RAP1B: variants seen among roughly 807,000 people sequenced by gnomAD.
RAP1B encodes the protein ras-related protein Rap-1b.
A neutral mutation model predicts 27.5 loss-of-function variants in RAP1B; 1 was observed. That is an observed-to-expected ratio of 0.04 (90% CI 0.01 to 0.17). RAP1B has a LOEUF of 0.17. Ranked by LOEUF, RAP1B falls within the 10% of genes least tolerant of loss-of-function variation. RAP1B has a pLI of 1.00. For synonymous variants in RAP1B, 75 were observed against 73.1 expected (o/e 1.03, Z -0.13); for missense variants, 84 against 214.8 (o/e 0.39, Z 3.81).
In RAP1B at chr12:68,633,820, A is replaced by G. The variant is rs556490635; in HGVS notation, c.-26-14879A>G. On this transcript the variant is annotated intron_variant, in intron 1 of 7. Coordinates refer to ENST00000250559, the MANE Select transcript of RAP1B (RefSeq NM_001010942.3). ...GGGAGGTGGAGGTTGCAGTGAGCTGAGATCGTGCCACTGCACTCCAGCCTG... is the reference window on the plus strand; with the variant it reads ...GGGAGGTGGAGGTTGCAGTGAGCTGGGATCGTGCCACTGCACTCCAGCCTG... 5.3e-5 allele frequency among the ~76,000 whole-genome samples: 8 copies of G among 152,334 alleles called. No individual in the cohort carries two copies. The South Asian group carries it at 1.7e-3, about 32-fold the overall frequency.
rs1173855583 is a variant in RAP1B, at chr12:68,654,352, G to GA, written c.324+100_324+101insA. On this transcript the variant is annotated intron_variant, in intron 5 of 7. Transcript: ENST00000250559. The stretch of plus-strand genomic sequence containing the variant: ...ATTTTAAAGCTTGTGTATTTTGGTT[G>GA]GGGGGGGGGTGTTGGTTTTTTTAAA... 4 of 222,152 alleles carry GA rather than the reference G, an allele frequency of 1.8e-5. 1 individual carries two copies. Among genetic ancestry groups the GA allele is most frequent in the Non-Finnish European group, 1.2e-5 (2 of 164,946 alleles). 13.8% of individuals were successfully genotyped at this position (222,152 alleles called of 1,614,324 possible). A position where few individuals can be genotyped will look rare whatever the true frequency, so the allele number is the denominator to read the frequency against.
intron 6 of RAP1B, 79 bp downstream of exon 6, chr12:68,656,528 G>T: frequency 7.2e-7 from 1 of 1,389,852 alleles, no homozygotes; most frequent in Non-Finnish European, 1.0e-6. Context: ...TTAACCCCAA[G>T]TTAATATGTA....
chr12:68,648,690 T>G lies in RAP1B; in HGVS notation c.-26-9T>G. On this transcript the variant is annotated splice_polypyrimidine_tract_variant and intron_variant, in intron 1 of 7. Coordinates refer to ENST00000250559, the MANE Select transcript of RAP1B (RefSeq NM_001010942.3). Reference sequence around the variant, plus strand: ...CTTAGAATTCTTTTTTTTTTTTTCCTTTAATAAGGTACTAGGTTTTGACAA... The same window carrying G: ...CTTAGAATTCTTTTTTTTTTTTTCCGTTAATAAGGTACTAGGTTTTGACAA... 1 of 1,592,754 alleles carries G rather than the reference T, an allele frequency of 6.3e-7. No individual in the cohort carries two copies. The highest frequency in any genetic ancestry group is 8.6e-7 in the Non-Finnish European group (1 of 1,165,752).
At chr12:68,613,095 C>T (rs887976621) in intron 1 of RAP1B, among the ~76,000 whole-genome samples, 7 of 152,094 alleles carry the variant, frequency 4.6e-5, no homozygotes, top group Non-Finnish European at 7.4e-5. Flanking sequence ...TGGTTTACGC[C>T]TGTAATCCCA....
chr12:68,654,314 T>G lies in RAP1B; in HGVS notation c.324+62T>G, dbSNP rs1874034663. 1.5e-5 allele frequency: 11 copies of G among 738,060 alleles called. No individual in the cohort carries two copies. The South Asian group carries it at 2.8e-4, about 19-fold the overall frequency. 45.7% of individuals were successfully genotyped at this position (738,060 alleles called of 1,614,324 possible). A position where few individuals can be genotyped will look rare whatever the true frequency, so the allele number is the denominator to read the frequency against. ...AACCCTGATTATAATTGTTTAAGTC[T>G]AAATTTAAATTCATTTTAAAGCTTG... On this transcript the variant is annotated intron_variant, in intron 5 of 7. Coordinates refer to ENST00000250559, the MANE Select transcript of RAP1B (RefSeq NM_001010942.3).
chr12:68,658,372 AAC>A (rs1334876928), intron 7 of RAP1B, among the ~76,000 whole-genome samples: 1 of 152,158 alleles, frequency 6.6e-6, no homozygotes, highest in Non-Finnish European at 1.5e-5. Flanking sequence ...TTTAATTTGC[AAC>A]AGTCTGCCAG....
At position 68,643,009 on chromosome 12, in the gene RAP1B, C is replaced by T. The variant is rs188005194; in HGVS notation, c.-26-5690C>T. The T allele has an allele frequency of 1.7e-4, 137 of 783,140 alleles. No homozygotes were observed. In the East Asian group the frequency reaches 2.7e-3, roughly 16 times the overall value. 48.5% of individuals were successfully genotyped at this position (783,140 alleles called of 1,614,324 possible). ...GCCCAGCCATGTTGGGATTCTTCAC[C>T]GACCCTGGCTGCCCACGGTCCACTG... is the stretch of plus-strand genomic sequence containing the variant. On this transcript the variant is annotated intron_variant, in intron 1 of 7. Transcript: ENST00000250559.
intron 1 of RAP1B, among the ~76,000 whole-genome samples, chr12:68,630,424 A>T (rs1872150366): frequency 6.6e-6 from 1 of 152,088 alleles, no homozygotes; most frequent in Non-Finnish European, 1.5e-5. Context: ...AAAAAAACAA[A>T]AACAAAAAAA....
intron 1 of RAP1B, among the ~76,000 whole-genome samples, chr12:68,644,084 C>T (rs944151104): frequency 1.3e-5 from 2 of 152,130 alleles, no homozygotes; most frequent in Non-Finnish European, 2.9e-5. Flanking sequence ...TTCATTAAGA[C>T]TTCTGTGATT....
chr12:68,612,797 G>C (rs946674483), intron 1 of RAP1B, among the ~76,000 whole-genome samples: 8 of 151,844 alleles, frequency 5.3e-5, no homozygotes, highest in African/African-American at 1.9e-4. Flanking sequence ...TGTGTACTAC[G>C]TTAGGTGTTT....
At chr12:68,628,904 A>G (rs1478570268) in intron 1 of RAP1B, among the ~76,000 whole-genome samples, 2 of 152,208 alleles carry the variant, frequency 1.3e-5, no homozygotes, top group South Asian at 2.1e-4. Context: ...ATTGGACAGC[A>G]CTAGTCTGGA....
chr12:68,651,355 A>G lies in RAP1B; in HGVS notation c.127-640A>G, dbSNP rs557422876. Among the ~76,000 whole-genome samples the G allele has an allele frequency of 1.8e-3, 280 of 152,100 alleles. 1 individual carries two copies. The highest frequency in any genetic ancestry group is 6.4e-3 in the African/African-American group (264 of 41,510). On this transcript the variant is annotated intron_variant, in intron 3 of 7. Transcript: ENST00000250559. ...GCTGTTGCACAAATACTGTGTTTCC[A>G]TTCCTCCCTCCATGTGCATAGTCTA... is the stretch of plus-strand genomic sequence containing the variant.
At chr12:68,638,336 T>C (rs758884375) in intron 1 of RAP1B, among the ~76,000 whole-genome samples, 7 of 152,172 alleles carry the variant, frequency 4.6e-5, no homozygotes, top group Admixed American at 1.3e-4. Flanking sequence ...GAGGATGTCA[T>C]GTCCGTGCCC....
chr12:68,648,792 C>G lies in RAP1B; in HGVS notation c.57+11C>G, dbSNP rs779322418. 1.9e-6 allele frequency: 3 copies of G among 1,603,234 alleles called. No individual in the cohort carries two copies. The highest frequency in any genetic ancestry group is 2.2e-5 in the South Asian group (2 of 89,566). On this transcript the variant is annotated intron_variant, in intron 2 of 7. Coordinates refer to ENST00000250559, the MANE Select transcript of RAP1B (RefSeq NM_001010942.3). Reference sequence around the variant, plus strand: ...GGAAAGTCTGCTTTGGTAAGTCATTCTTACTTTACCTAAGCCTTTCACTCC... The same window carrying G: ...GGAAAGTCTGCTTTGGTAAGTCATTGTTACTTTACCTAAGCCTTTCACTCC...
At chr12:68,651,436 T>C (rs897098105) in intron 3 of RAP1B, among the ~76,000 whole-genome samples, 1 of 152,228 alleles carries the variant, frequency 6.6e-6, no homozygotes, top group Admixed American at 6.5e-5. Context: ...ATTACTCTTT[T>C]CTTTCTACAT....
intron 1 of RAP1B, among the ~76,000 whole-genome samples, chr12:68,618,129 C>G (rs1247364373): frequency 7.5e-5 from 10 of 133,428 alleles, no homozygotes; most frequent in African/African-American, 2.7e-4. Flanking sequence ...AGTCTGTCGC[C>G]CAGGCTAGAA....
At chr12:68,617,850 A>G (rs1021299342) in intron 1 of RAP1B, among the ~76,000 whole-genome samples, 1 of 151,584 alleles carries the variant, frequency 6.6e-6, no homozygotes, top group African/African-American at 2.4e-5. Context: ...TGCAGCTTCA[A>G]CCTCCCAGAT....
At chr12:68,634,746 C>T (rs1161053730) in intron 1 of RAP1B, among the ~76,000 whole-genome samples, 1 of 152,022 alleles carries the variant, frequency 6.6e-6, no homozygotes, top group Admixed American at 6.6e-5. Context: ...TGTATTCTAC[C>T]ATACATGATC....
intron 3 of RAP1B, among the ~76,000 whole-genome samples, chr12:68,651,045 C>T (rs1038742867): frequency 6.6e-6 from 1 of 152,130 alleles, no homozygotes; most frequent in Non-Finnish European, 1.5e-5. Flanking sequence ...TTTTAATATT[C>T]TTATGCATGA....
Sources: allele counts gnomAD v4.1 joint callset (sites outside exome capture counted in the v4.1 genomes callset), GRCh38; gene constraint gnomAD v4.1.1; transcripts MANE v1.5; gene names NCBI Gene and HGNC (gene_info 2026-07-23, HGNC 2026-07-21).